Variants in MGAM2 observed in about 807,000 individuals in gnomAD.
MGAM2 encodes the protein maltase-glucoamylase 2 (putative).
In MGAM2, 98 loss-of-function variants were observed where a neutral mutation model predicts 96.1. The ratio of observed to expected loss-of-function variants is 1.02; its 90% CI spans 0.87 to 1.21. MGAM2 has a LOEUF of 1.21. Among genes scored for constraint, MGAM2 ranks in the 50% most tolerant of loss-of-function variants. The pLI is 0.00. For missense variants in MGAM2, 2,055 were observed against 1,182.4 expected (o/e 1.74, Z -10.82); for synonymous variants, 749 against 414.8 (o/e 1.81, Z -9.79).
At chr7:142,203,452 T>C (rs941088071) in intron 45 of MGAM2, among the ~76,000 whole-genome samples, 1 of 152,084 alleles carries the variant, frequency 6.6e-6, no homozygotes, top group African/African-American at 2.4e-5. Flanking sequence ...GACACTATTC[T>C]TATCAAACTA....
rs767083447 is a variant in MGAM2 at position 142,166,081 on chromosome 7, A to T, written c.2653-17A>T. 4.7e-4 allele frequency: 318 copies of T among 674,772 alleles called. No homozygotes were observed. The highest frequency in any genetic ancestry group is 3.1e-4 in the Non-Finnish European group (114 of 370,756). 41.8% of individuals were successfully genotyped at this position (674,772 alleles called of 1,614,324 possible). ...TTCCCTCCCTTCCTTTGTCACTGTG[A>T]CTGTCTCTTTCCCCAGGTGGTAACC... On this transcript the variant is annotated splice_polypyrimidine_tract_variant and intron_variant, in intron 24 of 47. Coordinates refer to ENST00000477922, the MANE Select transcript of MGAM2 (RefSeq NM_001293626.2).
chr7:142,167,558 C>T (rs1457563725), intron 26 of MGAM2, 72 bp downstream of exon 26: 2 of 676,978 alleles, frequency 3.0e-6, no homozygotes, highest in African/African-American at 3.6e-5. Context: ...GGATAGAAGT[C>T]ATTGAAACAA....
chr7:142,149,549 T>G (rs980177296), intron 15 of MGAM2, among the ~76,000 whole-genome samples: 1 of 73,974 alleles, frequency 1.4e-5, no homozygotes, highest in Non-Finnish European at 3.2e-5. Context: ...GGATGTTTTG[T>G]TTTTTTTTTG....
intron 3 of MGAM2, among the ~76,000 whole-genome samples, chr7:142,130,317 A>C (rs1337087866): frequency 6.6e-6 from 1 of 152,186 alleles, no homozygotes; most frequent in Non-Finnish European, 1.5e-5. Flanking sequence ...CTGTATTGTT[A>C]GCCACTTGCA....
chr7:142,212,328 G>A (rs187845323), intron 46 of MGAM2, among the ~76,000 whole-genome samples: 441 of 152,284 alleles, frequency 2.9e-3, no homozygotes, highest in Non-Finnish European at 5.6e-3. Flanking sequence ...GCATCATAAT[G>A]ACAGGATCAA....
At chr7:142,180,531 A>G (rs1292736213) in intron 32 of MGAM2, among the ~76,000 whole-genome samples, 4 of 152,188 alleles carry the variant, frequency 2.6e-5, no homozygotes, top group South Asian at 2.1e-4. Context: ...ATTATCTTGC[A>G]TAATATTTCA....
chr7:142,210,540 G>A (rs774477405), intron 46 of MGAM2, among the ~76,000 whole-genome samples: 17 of 152,158 alleles, frequency 1.1e-4, no homozygotes, highest in Non-Finnish European at 2.4e-4. Context: ...TGAGTAGGCG[G>A]TTTTCCCCTC....
At chr7:142,138,984 G>A (rs1161105238) in intron 10 of MGAM2, among the ~76,000 whole-genome samples, 1 of 152,150 alleles carries the variant, frequency 6.6e-6, no homozygotes, top group Non-Finnish European at 1.5e-5. Flanking sequence ...TTGGTGGGCT[G>A]GTAGTAAGGA....
intron 7 of MGAM2, 28 bp from the exon 8 acceptor site, chr7:142,136,513 T>C (rs764297455): frequency 1.5e-6 from 1 of 652,142 alleles, no homozygotes; most frequent in East Asian, 2.8e-5. Flanking sequence ...CACATAACAC[T>C]ATGACTTTTC....
intron 20 of MGAM2, among the ~76,000 whole-genome samples, 171 bp downstream of exon 20, chr7:142,159,514 A>G (rs528452499): frequency 1.1e-4 from 16 of 152,290 alleles, no homozygotes; most frequent in African/African-American, 3.9e-4. Context: ...TGGTGCAACA[A>G]AACACCTTAC....
At chr7:142,124,442 T>C (rs189811090) in intron 3 of MGAM2, among the ~76,000 whole-genome samples, 1 of 152,208 alleles carries the variant, frequency 6.6e-6, no homozygotes, top group African/African-American at 2.4e-5. Flanking sequence ...CTTTTGCCAA[T>C]ACCATACAGC....
intron 45 of MGAM2, among the ~76,000 whole-genome samples, chr7:142,202,196 A>C (rs763076522): frequency 6.6e-6 from 1 of 152,234 alleles, no homozygotes; most frequent in Non-Finnish European, 1.5e-5. Flanking sequence ...ACTGGGGAGA[A>C]GCTGACTAGA....
At position 142,221,009 on chromosome 7, in the gene MGAM2, TA is replaced by T. The variant is rs1797910234; in HGVS notation, c.6499del (p.Thr2167GlnfsTer35). On this transcript the variant is annotated frameshift_variant, in exon 48 of 48. Transcript: ENST00000477922. LOFTEE classifies it low-confidence loss of function (END_TRUNC). ...NVANITATSH[T>X]STDDTVPNNT... ...TTGCTAATATAACTGCTACCTCTCATACAAGTACTGATGATACTGTTCCTAA... is the reference window on the plus strand; with the variant it reads ...TTGCTAATATAACTGCTACCTCTCATCAAGTACTGATGATACTGTTCCTAA... The T allele has an allele frequency of 1.4e-6, 1 of 702,314 alleles. No homozygotes were observed. Among genetic ancestry groups the T allele is most frequent in the Non-Finnish European group, 2.6e-6 (1 of 384,774 alleles). The allele number at this position is 702,314 out of a possible 1,614,324, so 43.5% of individuals were successfully genotyped here.
chr7:142,117,615 A>T (rs1817457765), intron 2 of MGAM2, among the ~76,000 whole-genome samples: 1 of 152,200 alleles, frequency 6.6e-6, no homozygotes, highest in Admixed American at 6.5e-5. Context: ...TTGAACCTAC[A>T]GTGAAAAGAA....
intron 45 of MGAM2, among the ~76,000 whole-genome samples, chr7:142,202,475 C>A (rs1797269981): frequency 6.6e-6 from 1 of 152,120 alleles, no homozygotes; most frequent in Non-Finnish European, 1.5e-5. Flanking sequence ...TTCCTTGTTA[C>A]CCCATCTAAT....
intron 1 of MGAM2, among the ~76,000 whole-genome samples, chr7:142,112,807 TATG>T (rs1369621981): frequency 2.0e-5 from 3 of 152,214 alleles, no homozygotes; most frequent in Non-Finnish European, 4.4e-5. Flanking sequence ...AATACAGTCA[TATG>T]ATATATATTT....
intron 45 of MGAM2, among the ~76,000 whole-genome samples, chr7:142,200,733 C>T (rs974362731): frequency 2.0e-5 from 3 of 151,934 alleles, no homozygotes; most frequent in Non-Finnish European, 2.9e-5. Context: ...TAGGTTCCTT[C>T]ATTATAAAGA....
chr7:142,218,298 A>G, intron 46 of MGAM2, 63 bp from the exon 47 acceptor site: 1 of 500,476 alleles, frequency 2.0e-6, no homozygotes, highest in South Asian at 4.0e-5. Context: ...TAATATTTTA[A>G]TATGGACCAT....
intron 18 of MGAM2, 21 bp downstream of exon 18, chr7:142,158,112 A>C: frequency 1.4e-6 from 1 of 701,482 alleles, no homozygotes; most frequent in Non-Finnish European, 2.6e-6. Context: ...TGATTCTCAA[A>C]GACTCCCTTT....
Sources: gnomAD v4.1 joint callset for allele counts (sites outside exome capture counted in the v4.1 genomes callset) on GRCh38, gnomAD v4.1.1 for gene constraint, MANE v1.5 for transcripts, NCBI Gene and HGNC (gene_info 2026-07-23, HGNC 2026-07-21) for gene names.